CPAMD8: variants seen among roughly 807,000 people sequenced by gnomAD.
The protein encoded by CPAMD8 is C3 and PZP like alpha-2-macroglobulin domain containing 8.
In CPAMD8, 146 loss-of-function variants were observed where a neutral mutation model predicts 224.7. The ratio of observed to expected loss-of-function variants is 0.65; its 90% confidence interval spans 0.57 to 0.75. The LOEUF (loss-of-function observed/expected upper bound fraction) is 0.75, where lower values mean the gene tolerates loss of function less well. CPAMD8 is among the 30% of genes least tolerant of loss of function. The pLI is 0.00. For missense variants in CPAMD8, 2,301 were observed against 2,537.5 expected (o/e 0.91, Z 2.00); for synonymous variants, 966 against 1,044.6 (o/e 0.92, Z 1.45).
intron 9 of CPAMD8, among the ~76,000 whole-genome samples, chr19:17,001,338 A>C (rs1458696006): frequency 1.5e-4 from 22 of 150,336 alleles, no homozygotes; most frequent in South Asian, 6.3e-4. Flanking sequence ...AAAAAAAAAA[A>C]AAAAAACAAG....
chr19:16,946,598 C>T lies in CPAMD8; in HGVS notation c.2662+476G>A, dbSNP rs1221332247. On this transcript the variant is annotated intron_variant, in intron 21 of 41. Transcript: ENST00000443236. ...GTGTATATGCACGTCTACACGTGGG[C>T]GTGTGTGTGTGGATTTGTGGTGTGT... 1.4e-4 allele frequency among the ~76,000 whole-genome samples: 16 copies of T among 115,098 alleles called. No individual in the cohort carries two copies. In the East Asian group the frequency reaches 2.7e-3, roughly 19 times the overall value. 75.5% of individuals were successfully genotyped at this position (115,098 alleles called of 152,430 possible).
At chr19:16,997,496 A>C (rs995801987) in intron 10 of CPAMD8, among the ~76,000 whole-genome samples, 158 bp from the exon 11 acceptor site, 2 of 152,122 alleles carry the variant, frequency 1.3e-5, no homozygotes, top group Non-Finnish European at 2.9e-5. Context: ...GACCATGCAG[A>C]GGGTCCCTCA....
intron 23 of CPAMD8, among the ~76,000 whole-genome samples, chr19:16,934,010 T>C (rs2053617206): frequency 6.6e-6 from 1 of 152,200 alleles, no homozygotes; most frequent in South Asian, 2.1e-4. Context: ...CTTAAAATGA[T>C]TGAATTATTG....
At chr19:16,938,288 G>A (rs183875548) in intron 23 of CPAMD8, 107 bp downstream of exon 23, 26 of 576,134 alleles carry the variant, frequency 4.5e-5, no homozygotes, top group Non-Finnish European at 7.3e-5. Flanking sequence ...AAGGGCAGGT[G>A]CTCACTTTGC....
intron 18 of CPAMD8, among the ~76,000 whole-genome samples, chr19:16,966,837 C>T (rs2054843565): frequency 6.6e-6 from 1 of 152,100 alleles, no homozygotes. Flanking sequence ...AGTCAGGAAA[C>T]AACAAATGCT....
At chr19:16,946,660 TTGTG>T (rs749949451) in intron 21 of CPAMD8, among the ~76,000 whole-genome samples, 4 of 148,622 alleles carry the variant, frequency 2.7e-5, no homozygotes, top group South Asian at 2.1e-4. Context: ...GTGTGTGGAT[TTGTG>T]TGTGTGTATA....
intron 8 of CPAMD8, 99 bp from the exon 9 acceptor site, chr19:17,002,449 G>C (rs1270676658): frequency 1.3e-6 from 1 of 741,726 alleles, no homozygotes; most frequent in Admixed American, 2.1e-5. Context: ...CACAGCACCT[G>C]GCCACCACCG....
At position 16,976,077 on chromosome 19, in the gene CPAMD8, G is replaced by T. The variant is rs1011871113; in HGVS notation, c.1833C>A (p.Gly611=). The change falls in exon 16 of 42, where the codon GGC becomes GGA. Residue 611 remains glycine (G), a synonymous_variant. Transcript: ENST00000443236. ...VVDLRIRAAR[G]SCVCVAAVDK... ...CAACTGCGGCGACGCACACACAGCTGCCCCTTGCAGCCCTGATCCGCAGGT... is the reference window on the plus strand; with the variant it reads ...CAACTGCGGCGACGCACACACAGCTTCCCCTTGCAGCCCTGATCCGCAGGT... 3 of 1,612,090 alleles carry T rather than the reference G, an allele frequency of 1.9e-6. No individual in the cohort carries two copies. In the African/African-American group the frequency reaches 4.0e-5, roughly 22 times the overall value.
chr19:17,017,418 A>T (rs980845754), intron 3 of CPAMD8, among the ~76,000 whole-genome samples: 6 of 152,188 alleles, frequency 3.9e-5, no homozygotes, highest in Non-Finnish European at 7.3e-5. Flanking sequence ...TGGTCCGTGG[A>T]AAAAACTGTC....
intron 32 of CPAMD8, 46 bp downstream of exon 32, chr19:16,904,175 GACCCC>G: frequency 9.4e-7 from 1 of 1,060,412 alleles, no homozygotes; most frequent in Non-Finnish European, 1.4e-6. Context: ...GGACTGCAGG[GACCCC>G]ACCCACCCAG....
chr19:17,026,564 G>A lies in CPAMD8; in HGVS notation c.79C>T (p.Gln27Ter). The change falls in exon 1 of 42, where the codon CAG (glutamine) becomes TAG (stop). Residue 27 changes from glutamine to a stop codon, truncating the protein, a stop_gained. Coordinates refer to ENST00000443236, the MANE Select transcript of CPAMD8 (RefSeq NM_015692.5). LOFTEE classifies it high-confidence loss of function. ...LSARDGVRAA[Q>*]PQAPGYLIAA... ...GAGGATACTCACGGGGCCTGAGGCT[G>A]CGCGGCGCGCACGCCGTCCCGCGCC... 5 of 1,526,166 alleles carry A rather than the reference G, an allele frequency of 3.3e-6. No homozygotes were observed. The highest frequency in any genetic ancestry group is 3.5e-6 in the Non-Finnish European group (4 of 1,145,730). 94.5% of individuals were successfully genotyped at this position (1,526,166 alleles called of 1,614,324 possible). A position where few individuals can be genotyped will look rare whatever the true frequency, so the allele number is the denominator to read the frequency against.
chr19:16,906,434 CCTT>C (rs1380917715), intron 30 of CPAMD8, among the ~76,000 whole-genome samples: 2 of 138,972 alleles, frequency 1.4e-5, no homozygotes, highest in Non-Finnish European at 3.1e-5. Flanking sequence ...TTCCTTCCTT[CCTT>C]CTTTTCTTTC....
intron 12 of CPAMD8, among the ~76,000 whole-genome samples, chr19:16,990,551 C>T (rs181952537): frequency 7.0e-4 from 106 of 152,066 alleles, no homozygotes; most frequent in South Asian, 1.5e-3. Flanking sequence ...AGAGCTAGAC[C>T]GTATCTCTGA....
At chr19:16,915,892 T>TTCTTTCTTTCTTTC (rs1298700386) in intron 27 of CPAMD8, among the ~76,000 whole-genome samples, 4 of 151,004 alleles carry the variant, frequency 2.6e-5, no homozygotes, top group Admixed American at 1.3e-4. Context: ...TTCTTTCTTT[T>TTCTTTCTTTCTTTC]TCTTTCTTTC....
chr19:17,018,717 T>TACACACAC (rs367984655), intron 3 of CPAMD8, among the ~76,000 whole-genome samples: 3,473 of 136,740 alleles, frequency 0.025, 155 homozygotes, highest in African/African-American at 0.087. Flanking sequence ...CTACTAAAAA[T>TACACACAC]ACACACACAC....
chr19:16,973,003 T>C (rs1396688661), intron 17 of CPAMD8, among the ~76,000 whole-genome samples: 1 of 151,918 alleles, frequency 6.6e-6, no homozygotes, highest in East Asian at 1.9e-4. Flanking sequence ...ACCCCATCTC[T>C]ATAAATACGA....
In CPAMD8 at chr19:17,011,644, G is replaced by A. The variant is rs368974759; in HGVS notation, c.381C>T (p.Gly127=). 175 of 1,614,022 alleles carry A rather than the reference G, an allele frequency of 1.1e-4. No individual in the cohort carries two copies. Among genetic ancestry groups the A allele is most frequent in the Non-Finnish European group, 1.4e-4 (164 of 1,180,028 alleles). The change falls in exon 4 of 42, where the codon GGC becomes GGT. Residue 127 remains glycine, a synonymous_variant. Coordinates refer to ENST00000443236, the MANE Select transcript of CPAMD8 (RefSeq NM_015692.5). ...NQTSVTVDGR[G]ASVFIQTDKP... is the part of the protein sequence containing the mutation. ...TGTCCGTCTGGATGAATACAGAAGC[G>A]CCCCGGCCGTCCACGGTCACCGAGG...
At chr19:16,945,245 C>T (rs550362393) in intron 22 of CPAMD8, among the ~76,000 whole-genome samples, 7 of 152,272 alleles carry the variant, frequency 4.6e-5, no homozygotes, top group South Asian at 2.1e-4. Context: ...ATGACAAGCA[C>T]GAGATGAGGG....
rs369558379 is a variant in CPAMD8 at position 16,980,494 on chromosome 19, C to T, written c.1585+3G>A. The stretch of plus-strand genomic sequence containing the variant: ...GGAACCTTCTCCCTGCTGCCCGGCT[C>T]ACCTGTCTCAGAAAGGTGTGTTAAA... On this transcript the variant is annotated splice_donor_region_variant and intron_variant, in intron 14 of 41. Coordinates refer to ENST00000443236, the MANE Select transcript of CPAMD8 (RefSeq NM_015692.5). The T allele has an allele frequency of 6.8e-6, 11 of 1,612,208 alleles. No individual in the cohort carries two copies. Among genetic ancestry groups the T allele is most frequent in the Non-Finnish European group, 8.5e-7 (1 of 1,179,700 alleles).
Sources: allele counts gnomAD v4.1 joint callset (sites outside exome capture counted in the v4.1 genomes callset), GRCh38; gene constraint gnomAD v4.1.1; transcripts MANE v1.5; gene names NCBI Gene and HGNC (gene_info 2026-07-23, HGNC 2026-07-21).